The following ROBO2 variants were observed in gnomAD, a reference collection of about 807,000 sequenced individuals.
ROBO2 encodes the protein roundabout guidance receptor 2, also known as roundabout homolog 2.
In ROBO2, 53 loss-of-function variants were observed where a neutral mutation model predicts 160.8. The observed-to-expected ratio is 0.33, with a 90% confidence interval of 0.26 to 0.41. The LOEUF (loss-of-function observed/expected upper bound fraction) is 0.41. Among genes scored for constraint, ROBO2 ranks in the 10% least tolerant of loss-of-function variants. ROBO2 has a pLI of 1.00. For synonymous variants in ROBO2, 664 were observed against 611.7 expected, an observed-to-expected ratio of 1.09 and a Z score of -1.26; for missense variants, 1,577 against 1,722.4, an observed-to-expected ratio of 0.92 and a Z score of 1.49.
chr3:77,227,038 T>G (rs1183380764), intron 2 of ROBO2, among the ~76,000 whole-genome samples: 1 of 152,156 alleles, frequency 6.6e-6, no homozygotes, highest in Admixed American at 6.5e-5. Context: ...TGTCCTTTAA[T>G]ACAACAAAAA....
intron 2 of ROBO2, among the ~76,000 whole-genome samples, chr3:77,131,744 T>C (rs781266025): frequency 1.3e-5 from 2 of 152,170 alleles, no homozygotes; most frequent in Non-Finnish European, 2.9e-5. Flanking sequence ...CCATAAAATG[T>C]GTTGAATGAG....
intron 5 of ROBO2, among the ~76,000 whole-genome samples, chr3:77,513,832 G>T (rs189455495): frequency 6.6e-6 from 1 of 151,728 alleles, no homozygotes; most frequent in Admixed American, 6.6e-5. Flanking sequence ...TTGTCCAGGG[G>T]CCAAATCTGA....
intron 2 of ROBO2, among the ~76,000 whole-genome samples, chr3:76,457,611 C>T (rs758360690): frequency 1.3e-5 from 2 of 152,192 alleles, no homozygotes; most frequent in African/African-American, 4.8e-5. Flanking sequence ...GGCAGTGCCC[C>T]TGTAGAGACC....
At chr3:76,833,299 CAT>C (rs573347390) in intron 2 of ROBO2, among the ~76,000 whole-genome samples, 13 of 152,100 alleles carry the variant, frequency 8.5e-5, no homozygotes, top group Admixed American at 5.2e-4. Flanking sequence ...TAGTTTGAAA[CAT>C]GTGACAACTA....
chr3:75,917,881 G>GTTGT (rs61709163), intron 1 of ROBO2, among the ~76,000 whole-genome samples: 134,527 of 151,748 alleles, frequency 0.89, 59,690 homozygotes, highest in East Asian at 0.93. Context: ...TTTTGATGGG[G>GTTGT]TTGTTTTTTT....
chr3:77,015,613 A>G (rs2062190978), intron 2 of ROBO2, among the ~76,000 whole-genome samples: 1 of 152,224 alleles, frequency 6.6e-6, no homozygotes, highest in Admixed American at 6.5e-5. Context: ...GCTAAACAAT[A>G]TGGGCCAATA....
At chr3:76,030,274 T>C (rs1444728764) in intron 2 of ROBO2, among the ~76,000 whole-genome samples, 1 of 152,246 alleles carries the variant, frequency 6.6e-6, no homozygotes, top group Non-Finnish European at 1.5e-5. Context: ...TAGCCCTTTG[T>C]CAGATGTGTA....
intron 2 of ROBO2, among the ~76,000 whole-genome samples, chr3:77,219,475 T>C (rs2085468968): frequency 7.2e-6 from 1 of 138,612 alleles, no homozygotes; most frequent in African/African-American, 2.7e-5. Flanking sequence ...TGTGTATATA[T>C]ATATATATAA....
chr3:77,562,039 G>A (rs554564120), intron 9 of ROBO2, among the ~76,000 whole-genome samples: 11 of 152,036 alleles, frequency 7.2e-5, no homozygotes, highest in South Asian at 6.3e-4. Flanking sequence ...GGAGGCAGAG[G>A]TTGCAGTGAG....
chr3:76,280,605 A>G (rs1453730734), intron 2 of ROBO2, among the ~76,000 whole-genome samples: 2 of 152,020 alleles, frequency 1.3e-5, no homozygotes, highest in East Asian at 1.9e-4. Flanking sequence ...CTTTCCCAGT[A>G]TATTTCAACT....
intron 2 of ROBO2, among the ~76,000 whole-genome samples, chr3:77,400,535 C>A (rs1024223012): frequency 6.6e-6 from 1 of 152,188 alleles, no homozygotes; most frequent in Non-Finnish European, 1.5e-5. Flanking sequence ...ACATTCGGTT[C>A]GTTTAAGTGT....
chr3:76,391,420 A>G (rs1177531992), intron 2 of ROBO2, among the ~76,000 whole-genome samples: 1 of 152,206 alleles, frequency 6.6e-6, no homozygotes, highest in Non-Finnish European at 1.5e-5. Flanking sequence ...TATTTAAAAT[A>G]GTAATAAAGC....
intron 2 of ROBO2, among the ~76,000 whole-genome samples, chr3:77,374,608 T>G (rs1304951913): frequency 6.6e-6 from 1 of 152,212 alleles, no homozygotes; most frequent in Non-Finnish European, 1.5e-5. Flanking sequence ...TAAGTTTATT[T>G]TCTGGATCAT....
At chr3:77,258,621 T>TG (rs1192254790) in intron 2 of ROBO2, among the ~76,000 whole-genome samples, 3 of 36,180 alleles carry the variant, frequency 8.3e-5, no homozygotes, top group African/African-American at 3.7e-4. Context: ...AGACTTTGTC[T>TG]TAAAAAAAAA....
At chr3:76,744,106 A>C (rs1285373653) in intron 2 of ROBO2, among the ~76,000 whole-genome samples, 1 of 152,204 alleles carries the variant, frequency 6.6e-6, no homozygotes, top group Non-Finnish European at 1.5e-5. Flanking sequence ...GAGTACCACT[A>C]GTTAAGGAGA....
chr3:76,806,288 T>G, intron 2 of ROBO2, among the ~76,000 whole-genome samples: 1 of 151,678 alleles, frequency 6.6e-6, no homozygotes, highest in East Asian at 1.9e-4. Context: ...CATTTTTCTC[T>G]TTTTGAAATT....
chr3:76,135,933 T>G (rs943299738), intron 2 of ROBO2, among the ~76,000 whole-genome samples: 1 of 145,590 alleles, frequency 6.9e-6, no homozygotes, highest in African/African-American at 2.6e-5. Context: ...TTACAAATGT[T>G]TATTTTACTA....
At chr3:76,674,494 A>G (rs766999617) in intron 2 of ROBO2, among the ~76,000 whole-genome samples, 3 of 151,882 alleles carry the variant, frequency 2.0e-5, no homozygotes, top group Non-Finnish European at 2.9e-5. Flanking sequence ...CTGAGTTCCA[A>G]TTGACGGCAG....
chr3:76,357,699 A>G (rs3849474), intron 2 of ROBO2, among the ~76,000 whole-genome samples: 13,509 of 151,974 alleles, frequency 0.089, 660 homozygotes, highest in Non-Finnish European at 0.1. Context: ...CAGGATTATG[A>G]ACGAAGATAT....
Sources: allele counts gnomAD v4.1 joint callset (sites outside exome capture counted in the v4.1 genomes callset), GRCh38; gene constraint gnomAD v4.1.1; transcripts MANE v1.5; gene names NCBI Gene and HGNC (gene_info 2026-07-23, HGNC 2026-07-21).